AGXT: variants seen among roughly 807,000 people sequenced by gnomAD.
AGXT encodes L-alanine: glyoxylate aminotransferase 1.
A neutral mutation model predicts 46.9 loss-of-function variants in AGXT; 41 were observed. The ratio of observed to expected loss-of-function variants is 0.88; its 90% CI spans 0.68 to 1.14. The LOEUF is 1.14. Ranked by LOEUF, AGXT falls within the 50% of genes most tolerant of loss-of-function variation. The pLI, the probability that AGXT is intolerant of heterozygous loss-of-function variation, is 0.00. For missense variants in AGXT, 525 were observed against 522.7 expected, an observed-to-expected ratio of 1.00 and a Z score of -0.04; for synonymous variants, 244 against 227.9, an observed-to-expected ratio of 1.07 and a Z score of -0.64.
rs180177286 is a variant in AGXT at position 240,877,534 on chromosome 2, C to G, written c.847-3C>G. The G allele has an allele frequency of 8.3e-5, 129 of 1,546,314 alleles. No individual in the cohort carries two copies. Among genetic ancestry groups the G allele is most frequent in the Non-Finnish European group, 1.1e-4 (126 of 1,143,910 alleles). ...CTGCCCACCAGCGCCATCTCCCACA[C>G]AGGGCCTGGAGAACAGCTGGCGCCA... is the stretch of plus-strand genomic sequence containing the variant. On this transcript the variant is annotated splice_region_variant and splice_polypyrimidine_tract_variant and intron_variant, in intron 8 of 10. Coordinates refer to ENST00000307503, the MANE Select transcript of AGXT (RefSeq NM_000030.3).
At chr2:240,872,631 C>T (rs531587532) in intron 4 of AGXT, among the ~76,000 whole-genome samples, 1 of 152,098 alleles carries the variant, frequency 6.6e-6, no homozygotes, top group African/African-American at 2.4e-5. Flanking sequence ...CTGGGGTCCA[C>T]ACAGGCCCTC....
In AGXT at chr2:240,872,852, GGAGGT is replaced by G. The variant is rs2058999389; in HGVS notation, c.525-125_525-121del. The G allele has an allele frequency of 1.0e-5, 8 of 796,328 alleles. No individual in the cohort carries two copies. The Middle Eastern group carries it at 1.1e-3, about 114-fold the overall frequency. 49.3% of individuals were successfully genotyped at this position (796,328 alleles called of 1,614,324 possible). ...AAGGCAACTGGCCAACTCCTGGGGT[GGAGGT>G]GGGAGGTGCCCTGCCTTCCTTGCCA... On this transcript the variant is annotated intron_variant, in intron 4 of 10. Transcript: ENST00000307503.
At chr2:240,874,126 G>A (rs1559569981) in intron 6 of AGXT, 64 bp downstream of exon 6, 15 of 1,532,046 alleles carry the variant, frequency 9.8e-6, no homozygotes, top group African/African-American at 2.7e-5. Context: ...CAGGTGGCCC[G>A]AGGCGGGAGG....
rs180177230 is a variant in AGXT at position 240,871,422 on chromosome 2, T to C, written c.497T>C (p.Leu166Pro). The change falls in exon 4 of 11, where the codon CTT (leucine) becomes CCT (proline). Residue 166 changes from leucine to proline, a missense_variant. Transcript: ENST00000307503. ...TCGTCCACCGGCGTGCTGCAGCCCCTTGATGGCTTCGGGGAACTCTGCCAC... is the reference window on the plus strand; with the variant it reads ...TCGTCCACCGGCGTGCTGCAGCCCCCTGATGGCTTCGGGGAACTCTGCCAC... Reference protein sequence around the residue: ...GESSTGVLQPLDGFGELCHRY... With the variant: ...GESSTGVLQPPDGFGELCHRY... 1.0e-5 allele frequency: 16 copies of C among 1,597,644 alleles called. No homozygotes were observed. The highest frequency in any genetic ancestry group is 1.7e-5 in the Admixed American group (1 of 57,970).
rs868459814 is a variant in AGXT at position 240,878,423 on chromosome 2, G to A, written c.1071+273G>A. Among the ~76,000 whole-genome samples, 16 of 152,330 alleles carry A rather than the reference G, an allele frequency of 1.1e-4. No homozygotes were observed. The Middle Eastern group carries it at 0.02, about 194-fold the overall frequency. On this transcript the variant is annotated intron_variant, in intron 10 of 10. Coordinates refer to ENST00000307503, the MANE Select transcript of AGXT (RefSeq NM_000030.3). Reference sequence around the variant, plus strand: ...TCTGACCAGACCCTGGAACCAGGCCGGAAGCCCCACGCCTGGGCCTGGCTG... The same window carrying A: ...TCTGACCAGACCCTGGAACCAGGCCAGAAGCCCCACGCCTGGGCCTGGCTG...
At chr2:240,876,108 G>A (rs879381323) in intron 8 of AGXT, 104 bp downstream of exon 8, 7 of 1,373,902 alleles carry the variant, frequency 5.1e-6, no homozygotes, top group Non-Finnish European at 6.1e-6. Flanking sequence ...AGAAAAGGGA[G>A]CCTGCCAGAG....
chr2:240,878,812 G>T lies in AGXT; in HGVS notation c.1170G>T (p.Lys390Asn). Residue 390 changes from lysine to asparagine, a missense_variant, in exon 11 of 11, where the codon AAG becomes AAT. Transcript: ENST00000307503. The part of the protein sequence containing the change: ...LRAALQHCPK[K>N]KL ...CGGCCCTGCAGCACTGCCCCAAGAA[G>T]AAGCTGTGACCTGCCCACTGGCACA... is the stretch of plus-strand genomic sequence containing the variant. 2 of 1,592,092 alleles carry T rather than the reference G, an allele frequency of 1.3e-6. No homozygotes were observed. Among genetic ancestry groups the T allele is most frequent in the Non-Finnish European group, 1.7e-6 (2 of 1,172,314 alleles).
chr2:240,877,915 C>CG, intron 9 of AGXT, 107 bp from the exon 10 acceptor site: 1 of 1,504,144 alleles, frequency 6.6e-7, no homozygotes, highest in Non-Finnish European at 9.1e-7. Flanking sequence ...CTTTCTCCCC[C>CG]GGCTCCTCTG....
intron 7 of AGXT, 113 bp from the exon 8 acceptor site, chr2:240,875,822 C>CCGG (rs2059021704): frequency 8.4e-7 from 1 of 1,190,732 alleles, no homozygotes; most frequent in Non-Finnish European, 1.2e-6. Flanking sequence ...GCGGAGGATA[C>CCGG]CGGCCTGTGG....
At chr2:240,874,120 T>G in intron 6 of AGXT, 58 bp downstream of exon 6, 2 of 1,561,842 alleles carry the variant, frequency 1.3e-6, no homozygotes, top group East Asian at 4.5e-5. Flanking sequence ...GGAGCTCAGG[T>G]GGCCCGAGGC....
At chr2:240,878,470 A>C (rs2059040176) in intron 10 of AGXT, among the ~76,000 whole-genome samples, 1 of 152,052 alleles carries the variant, frequency 6.6e-6, no homozygotes, top group African/African-American at 2.4e-5. Context: ...GGCAGTGGGG[A>C]GGGACCTTCA....
rs1410031958 is a variant in AGXT, at chr2:240,869,349, C to T, written c.345C>T (p.Ile115=). The T allele has an allele frequency of 4.4e-6, 7 of 1,597,548 alleles. No individual in the cohort carries two copies. The highest frequency in any genetic ancestry group is 2.3e-5 in the South Asian group (2 of 88,088). The change falls in exon 2 of 11, where the codon ATC becomes ATT. Residue 115 remains isoleucine, a synonymous_variant. Coordinates refer to ENST00000307503, the MANE Select transcript of AGXT (RefSeq NM_000030.3). ...NGIWGQRAVD[I]GERIGARVHP... ...TTTGGGGGCAGCGAGCCGTGGACAT[C>T]GGGGAGCGCATAGGTAAGGGAGAGG...
intron 2 of AGXT, among the ~76,000 whole-genome samples, chr2:240,869,844 G>A (rs974911446): frequency 2.0e-5 from 3 of 152,190 alleles, no homozygotes; most frequent in African/African-American, 7.2e-5. Context: ...ACTTTTCTGG[G>A]AGAGACACAG....
Position 240,869,089 on chromosome 2 carries a change from G to C in AGXT, c.165+59G>C. ...TCACCCATGTTCCCACCCACAGATC[G>C]TGGACGAGGGAAGGGGGTCACTGCC... is the stretch of plus-strand genomic sequence containing the variant. On this transcript the variant is annotated intron_variant, in intron 1 of 10. Transcript: ENST00000307503. 4 of 1,590,800 alleles carry C rather than the reference G, an allele frequency of 2.5e-6. No homozygotes were observed. In the South Asian group the frequency reaches 4.6e-5, roughly 18 times the overall value.
At position 240,871,414 on chromosome 2, in the gene AGXT, G is replaced by A. The variant is rs147601535; in HGVS notation, c.489G>A (p.Leu163=). ...ACGGGGAGTCGTCCACCGGCGTGCT[G>A]CAGCCCCTTGATGGCTTCGGGGAAC... ...LTHGESSTGV[L]QPLDGFGELC... is the part of the protein sequence containing the mutation. The change falls in exon 4 of 11, where the codon CTG becomes CTA. Residue 163 remains leucine, a synonymous_variant. Coordinates refer to ENST00000307503, the MANE Select transcript of AGXT (RefSeq NM_000030.3). The A allele has an allele frequency of 2.1e-4, 332 of 1,599,146 alleles. 1 individual carries two copies. The highest frequency in any genetic ancestry group is 1.5e-3 in the Middle Eastern group (9 of 6,042).
chr2:240,871,448 A>T lies in AGXT; in HGVS notation c.523A>T (p.Arg175Trp), dbSNP rs770462933. 3.8e-6 allele frequency: 6 copies of T among 1,583,108 alleles called. No individual in the cohort carries two copies. The South Asian group carries it at 5.8e-5, about 15-fold the overall frequency. Residue 175 changes from arginine (R) to tryptophan (W), a missense_variant and splice_region_variant, in exon 4 of 11, where the codon AGG becomes TGG. Coordinates refer to ENST00000307503, the MANE Select transcript of AGXT (RefSeq NM_000030.3). ...PLDGFGELCH[R>W]YKCLLLVDSV... is the part of the protein sequence containing the mutation. ...TGATGGCTTCGGGGAACTCTGCCAC[A>T]GGTGAGCCTGGCCCCAGGGCGGTGG... is the stretch of plus-strand genomic sequence containing the variant.
intron 7 of AGXT, among the ~76,000 whole-genome samples, chr2:240,875,622 G>T (rs1432767542): frequency 6.6e-6 from 1 of 152,262 alleles, no homozygotes; most frequent in Non-Finnish European, 1.5e-5. Flanking sequence ...TAGCCCAGTG[G>T]GCACAGAGGG....
chr2:240,873,754 G>A (rs1030776600), intron 5 of AGXT, among the ~76,000 whole-genome samples: 1 of 152,180 alleles, frequency 6.6e-6, no homozygotes, highest in Non-Finnish European at 1.5e-5. Flanking sequence ...GACCAGCACA[G>A]CAGAGGGAGA....
intron 5 of AGXT, chr2:240,873,399 A>C: frequency 3.1e-6 from 1 of 324,746 alleles, no homozygotes; most frequent in Non-Finnish European, 5.8e-6. Context: ...CCAACCCCCC[A>C]GAGGCTCAGT....
Sources: gnomAD v4.1 joint callset for allele counts (sites outside exome capture counted in the v4.1 genomes callset) on GRCh38, gnomAD v4.1.1 for gene constraint, MANE v1.5 for transcripts, NCBI Gene and HGNC (gene_info 2026-07-23, HGNC 2026-07-21) for gene names.